Variants in HHIP observed in about 807,000 individuals in gnomAD.
HHIP encodes the protein hedgehog interacting protein, also known as hedgehog-interacting protein.
A neutral mutation model predicts 74.0 loss-of-function variants in HHIP; 12 were observed. The ratio of observed to expected loss-of-function variants is 0.16; its 90% confidence interval spans 0.10 to 0.26. The LOEUF is 0.26. Among genes scored for constraint, HHIP ranks in the 10% least tolerant of loss-of-function variants. The probability of loss-of-function intolerance (pLI) is 1.00; values close to 1 mark genes in which losing one functional copy is unlikely to be tolerated. For synonymous variants in HHIP, 309 were observed against 311.6 expected, an observed-to-expected ratio of 0.99 and a Z score of 0.09; for missense variants, 788 against 845.0, an observed-to-expected ratio of 0.93 and a Z score of 0.84.
At chr4:144,667,547 A>G (rs1728909735) in intron 4 of HHIP, among the ~76,000 whole-genome samples, 1 of 152,144 alleles carries the variant, frequency 6.6e-6, no homozygotes, top group Non-Finnish European at 1.5e-5. Context: ...CTAGAGAAAA[A>G]CAACACCTTT....
intron 9 of HHIP, chr4:144,715,024 C>T (rs963670520): frequency 3.3e-5 from 10 of 302,970 alleles, no homozygotes; most frequent in Admixed American, 1.3e-4. Context: ...CTAGTCCTGG[C>T]GAGGAAGTAT....
At chr4:144,651,983 T>G (rs1288889275) in intron 1 of HHIP, among the ~76,000 whole-genome samples, 2 of 152,078 alleles carry the variant, frequency 1.3e-5, no homozygotes, top group Non-Finnish European at 2.9e-5. Flanking sequence ...ATATAATGAA[T>G]AATAAAAATT....
At chr4:144,702,906 G>A (rs1350025331) in intron 4 of HHIP, among the ~76,000 whole-genome samples, 1 of 152,084 alleles carries the variant, frequency 6.6e-6, no homozygotes, top group Non-Finnish European at 1.5e-5. Flanking sequence ...TTGGACATTG[G>A]TTAACAGTTT....
intron 4 of HHIP, among the ~76,000 whole-genome samples, chr4:144,706,092 A>G (rs1382383276): frequency 6.6e-6 from 1 of 152,232 alleles, no homozygotes; most frequent in Non-Finnish European, 1.5e-5. Context: ...CATATTGCCA[A>G]GACAGTGGGA....
At chr4:144,700,552 C>T (rs1729945277) in intron 4 of HHIP, among the ~76,000 whole-genome samples, 1 of 152,084 alleles carries the variant, frequency 6.6e-6, no homozygotes, top group East Asian at 1.9e-4. Context: ...TCAGTGTAAT[C>T]ACAAGTTCTT....
intron 4 of HHIP, 95 bp from the exon 5 acceptor site, chr4:144,706,435 CA>C: frequency 9.7e-7 from 1 of 1,034,588 alleles, no homozygotes; most frequent in Non-Finnish European, 1.4e-6. Context: ...AAAGATTATC[CA>C]AAAGAAAGAA....
intron 4 of HHIP, among the ~76,000 whole-genome samples, chr4:144,670,237 G>C (rs557880628): frequency 7.9e-4 from 120 of 151,938 alleles, no homozygotes; most frequent in African/African-American, 2.8e-3. Context: ...GAGGCCGGCG[G>C]ATCACCTGAA....
chr4:144,673,496 CTGTT>C (rs915366507), intron 4 of HHIP, among the ~76,000 whole-genome samples: 4 of 152,120 alleles, frequency 2.6e-5, no homozygotes, highest in Non-Finnish European at 4.4e-5. Context: ...CAATTAAAGA[CTGTT>C]TGAATGAGAC....
chr4:144,706,939 C>A, intron 5 of HHIP, 148 bp from the exon 6 acceptor site: 1 of 735,168 alleles, frequency 1.4e-6, no homozygotes, highest in Non-Finnish European at 2.2e-6. Context: ...GATTTTCCAG[C>A]AATTTCTGTT....
intron 10 of HHIP, among the ~76,000 whole-genome samples, chr4:144,717,514 G>A (rs570081849): frequency 2.0e-5 from 3 of 151,996 alleles, no homozygotes; most frequent in Non-Finnish European, 4.4e-5. Flanking sequence ...TCATGGGGGA[G>A]GACCAAATAT....
chr4:144,652,360 A>T (rs896035871), intron 1 of HHIP, among the ~76,000 whole-genome samples: 2 of 152,078 alleles, frequency 1.3e-5, no homozygotes, highest in African/African-American at 4.8e-5. Flanking sequence ...TACAGATGAA[A>T]TCTTTGATTT....
intron 5 of HHIP, 105 bp from the exon 6 acceptor site, chr4:144,706,982 C>T: frequency 1.1e-6 from 1 of 887,886 alleles, no homozygotes; most frequent in Non-Finnish European, 1.8e-6. Flanking sequence ...TCCTTATTTA[C>T]TATGTGCCAG....
chr4:144,695,837 A>G (rs1175940718), intron 4 of HHIP, among the ~76,000 whole-genome samples: 1 of 151,948 alleles, frequency 6.6e-6, no homozygotes, highest in East Asian at 1.9e-4. Flanking sequence ...ACAAATCTTT[A>G]TCAAAAGTAT....
At position 144,703,295 on chromosome 4, in the gene HHIP, C is replaced by T. The variant is rs148744066; in HGVS notation, c.832-3236C>T. ...CCTGAATCACGACTCTTCCATTTGC[C>T]ATTCTATTAATATGTTTTTCTCCCT... On this transcript the variant is annotated intron_variant, in intron 4 of 12. Transcript: ENST00000296575. 6.8e-3 allele frequency among the ~76,000 whole-genome samples: 1,032 copies of T among 152,064 alleles called. 11 individuals carry two copies. The highest frequency in any genetic ancestry group is 0.024 in the African/African-American group (1,003 of 41,466).
Position 144,706,594 on chromosome 4 carries a change from T to G in HHIP, c.895T>G (p.Leu299Val). ...FHPNYKKNGK[L>V]YVSYTTNQER... ...TCCCAATTACAAGAAAAATGGAAAG[T>G]TGTATGTGTCCTATACCACCAACCA... Residue 299 changes from leucine (L) to valine (V), a missense_variant, in exon 5 of 13, where the codon TTG becomes GTG. Coordinates refer to ENST00000296575, the MANE Select transcript of HHIP (RefSeq NM_022475.3). 1 of 1,613,422 alleles carries G rather than the reference T, an allele frequency of 6.2e-7. No individual in the cohort carries two copies.
In HHIP at chr4:144,740,005, A is replaced by T. The variant is rs1294839203; in HGVS notation, c.*2048A>T. The stretch of plus-strand genomic sequence containing the variant: ...TACAATTAAAAAAAAATGTCCTGAC[A>T]ACCATTTTTGTAAATGGACCTTACC... On this transcript the variant is annotated 3_prime_UTR_variant, in exon 13 of 13. Coordinates refer to ENST00000296575, the MANE Select transcript of HHIP (RefSeq NM_022475.3). 3 of 152,196 alleles carry T rather than the reference A, an allele frequency of 2.0e-5. No individual in the cohort carries two copies. Among genetic ancestry groups the T allele is most frequent in the Admixed American group, 2.0e-4 (3 of 15,266 alleles). 9.4% of individuals were successfully genotyped at this position (152,196 alleles called of 1,614,324 possible). A position where few individuals can be genotyped will look rare whatever the true frequency, so the allele number is the denominator to read the frequency against.
chr4:144,660,819 C>T lies in HHIP; in HGVS notation c.831+981C>T, dbSNP rs1399890105. 2.6e-5 allele frequency among the ~76,000 whole-genome samples: 4 copies of T among 152,172 alleles called. No individual in the cohort carries two copies. In the East Asian group the frequency reaches 7.7e-4, roughly 29 times the overall value. On this transcript the variant is annotated intron_variant, in intron 4 of 12. Transcript: ENST00000296575. Reference sequence around the variant, plus strand: ...AATAATGTTATTTATTATTCATGTACATTTTACTTAATCTGGTCATGGATG... The same window carrying T: ...AATAATGTTATTTATTATTCATGTATATTTTACTTAATCTGGTCATGGATG...
chr4:144,715,623 C>T (rs112148760), intron 10 of HHIP, 193 bp downstream of exon 10: 1 of 384,500 alleles, frequency 2.6e-6, no homozygotes, highest in Non-Finnish European at 4.5e-6. Flanking sequence ...TCCCTGAGAG[C>T]CTTTATATTT....
intron 8 of HHIP, among the ~76,000 whole-genome samples, chr4:144,713,246 C>T (rs180882486): frequency 6.6e-6 from 1 of 152,224 alleles, no homozygotes; most frequent in African/African-American, 2.4e-5. Context: ...AATTGTCACA[C>T]AACACAAAGT....
Sources: allele counts gnomAD v4.1 joint callset (sites outside exome capture counted in the v4.1 genomes callset), GRCh38; gene constraint gnomAD v4.1.1; transcripts MANE v1.5; gene names NCBI Gene and HGNC (gene_info 2026-07-23, HGNC 2026-07-21).